The following ABCC4 variants were observed in gnomAD, a reference collection of about 807,000 sequenced individuals.
ABCC4 encodes ATP-binding cassette sub-family C member 4.
A neutral mutation model predicts 168.5 loss-of-function variants in ABCC4; 102 were observed. The observed-to-expected ratio is 0.61, with a 90% CI of 0.52 to 0.71. The LOEUF (loss-of-function observed/expected upper bound fraction) is 0.71. Among genes scored for constraint, ABCC4 ranks in the 30% least tolerant of loss-of-function variants. The probability of loss-of-function intolerance (pLI) is 0.00; values close to 1 mark genes in which losing one functional copy is unlikely to be tolerated. For synonymous variants in ABCC4, 617 were observed against 590.7 expected, an observed-to-expected ratio of 1.04 and a Z score of -0.65; for missense variants, 1,402 against 1,605.8, an observed-to-expected ratio of 0.87 and a Z score of 2.17.
At chr13:95,247,139 A>T in intron 2 of ABCC4, 44 bp from the exon 3 acceptor site, 3 of 1,584,434 alleles carry the variant, frequency 1.9e-6, no homozygotes, top group Non-Finnish European at 2.6e-6. Flanking sequence ...GAACCCTGCC[A>T]CAATATAAAA....
At chr13:95,290,408 G>A (rs2041367881) in intron 1 of ABCC4, among the ~76,000 whole-genome samples, 1 of 152,054 alleles carries the variant, frequency 6.6e-6, no homozygotes, top group African/African-American at 2.4e-5. Flanking sequence ...GCCAGCTTGT[G>A]TTAAGAGGAA....
rs748197778 is a variant in ABCC4, at chr13:95,301,306, G to A, written c.9C>T (p.Pro3=). 6.3e-7 allele frequency: 1 copy of A among 1,593,282 alleles called. No individual in the cohort carries two copies. Among genetic ancestry groups the A allele is most frequent in the Middle Eastern group, 1.7e-4 (1 of 5,976 alleles). Residue 3 remains proline, a synonymous_variant, in exon 1 of 31, where the codon CCC becomes CCT. Transcript: ENST00000645237. ...GGTTGGGCTTCACCTCCTGGTACAC[G>A]GGCAGCATCTTGCCGGGCGGGGCGG... ML[P]VYQEVKPNPL... is the part of the protein sequence containing the mutation.
At chr13:95,023,275 G>T (rs1255750477) in intron 30 of ABCC4, among the ~76,000 whole-genome samples, 1 of 152,142 alleles carries the variant, frequency 6.6e-6, no homozygotes, top group East Asian at 1.9e-4. Context: ...AATGGTCTTA[G>T]CTTCATGGTC....
At chr13:95,022,246 G>A (rs1468848655) in intron 30 of ABCC4, among the ~76,000 whole-genome samples, 2 of 152,134 alleles carry the variant, frequency 1.3e-5, no homozygotes, top group Non-Finnish European at 2.9e-5. Context: ...CCACAATAAT[G>A]AAAAGAGAAG....
chr13:95,167,953 G>A (rs1051406361), intron 14 of ABCC4, among the ~76,000 whole-genome samples: 5 of 152,068 alleles, frequency 3.3e-5, no homozygotes, highest in African/African-American at 1.2e-4. Context: ...TGCAACCTTC[G>A]CCTCCCAGGT....
In ABCC4 at chr13:95,034,599, G is replaced by A. The variant is rs375925660; in HGVS notation, c.3870+6C>T. ...CTTTAATTACAACTCCTTGGAGCAC[G>A]CTCACCTGTTTTGCTGTTTCAGTGA... On this transcript the variant is annotated splice_donor_region_variant and intron_variant, in intron 30 of 30. Transcript: ENST00000645237. 57 of 1,611,406 alleles carry A rather than the reference G, an allele frequency of 3.5e-5. No individual in the cohort carries two copies. The highest frequency in any genetic ancestry group is 5.1e-5 in the Admixed American group (3 of 58,936).
intron 1 of ABCC4, among the ~76,000 whole-genome samples, chr13:95,258,493 A>G (rs2040447918): frequency 6.6e-6 from 1 of 152,150 alleles, no homozygotes; most frequent in African/African-American, 2.4e-5. Context: ...CTCATTGTCG[A>G]TCATTTATAT....
chr13:95,255,903 T>G (rs777557302), intron 1 of ABCC4, among the ~76,000 whole-genome samples: 1 of 152,140 alleles, frequency 6.6e-6, no homozygotes, highest in African/African-American at 2.4e-5. Flanking sequence ...AGCTAATCCA[T>G]GCCTTTCACT....
At position 95,244,670 on chromosome 13, in the gene ABCC4, A is replaced by ATC. The variant is rs1555336348; in HGVS notation, c.306+2304_306+2305insGA. Among the ~76,000 whole-genome samples the ATC allele has an allele frequency of 7.0e-4, 75 of 106,460 alleles. 6 individuals are homozygous for ATC. Among genetic ancestry groups the ATC allele is most frequent in the East Asian group, 4.8e-3 (19 of 3,966 alleles). The allele number at this position is 106,460 out of a possible 152,430, so 69.8% of individuals were successfully genotyped here. A position where few individuals can be genotyped will look rare whatever the true frequency, so the allele number is the denominator to read the frequency against. The stretch of plus-strand genomic sequence containing the variant: ...GAAAGAAAGAAAGAAAGAAAGAAAG[A>ATC]AATCATAGCAGTTCCTGGTACATAG... On this transcript the variant is annotated intron_variant, in intron 3 of 30. Coordinates refer to ENST00000645237, the MANE Select transcript of ABCC4 (RefSeq NM_005845.5).
chr13:95,228,204 G>A (rs753828506), intron 4 of ABCC4, among the ~76,000 whole-genome samples: 13 of 152,116 alleles, frequency 8.5e-5, no homozygotes, highest in Non-Finnish European at 1.6e-4. Flanking sequence ...AGAGGGAGAC[G>A]GGGTGGGAAG....
intron 19 of ABCC4, among the ~76,000 whole-genome samples, chr13:95,140,099 C>T (rs1243904407): frequency 3.3e-5 from 5 of 152,210 alleles, no homozygotes; most frequent in Admixed American, 3.3e-4. Flanking sequence ...TTCAGTTCTG[C>T]TTCTTCCAAA....
At chr13:95,254,523 ATCCTGC>A (rs2040347393) in intron 1 of ABCC4, among the ~76,000 whole-genome samples, 1 of 152,166 alleles carries the variant, frequency 6.6e-6, no homozygotes, top group Admixed American at 6.5e-5. Flanking sequence ...CCACAAAAAA[ATCCTGC>A]TCCTCCCAGG....
chr13:95,209,206 C>A (rs760286421), intron 6 of ABCC4, among the ~76,000 whole-genome samples: 1 of 152,182 alleles, frequency 6.6e-6, no homozygotes, highest in East Asian at 1.9e-4. Context: ...GAGGCCACAG[C>A]GCCTGAAAAG....
At chr13:95,204,429 G>A (rs1566524052) in intron 8 of ABCC4, among the ~76,000 whole-genome samples, 2 of 148,718 alleles carry the variant, frequency 1.3e-5, no homozygotes, top group Admixed American at 6.6e-5. Context: ...GGAGGTAATC[G>A]GATCATGGGG....
At chr13:95,133,359 C>T (rs1255682155) in intron 19 of ABCC4, among the ~76,000 whole-genome samples, 1 of 152,110 alleles carries the variant, frequency 6.6e-6, no homozygotes, top group East Asian at 1.9e-4. Flanking sequence ...ATTGATCTGC[C>T]TGCCCTGACC....
At chr13:95,110,308 CAAAAAAAA>C (rs61438342) in intron 20 of ABCC4, among the ~76,000 whole-genome samples, 1 of 104,602 alleles carries the variant, frequency 9.6e-6, no homozygotes, top group South Asian at 3.1e-4. Flanking sequence ...GACTCTGTCT[CAAAAAAAA>C]AAAAAAAAAA....
At chr13:95,129,873 G>A (rs1442190159) in intron 19 of ABCC4, among the ~76,000 whole-genome samples, 1 of 152,052 alleles carries the variant, frequency 6.6e-6, no homozygotes, top group Non-Finnish European at 1.5e-5. Flanking sequence ...TCAGGAGTTG[G>A]AGACCAGCCT....
intron 25 of ABCC4, among the ~76,000 whole-genome samples, chr13:95,068,731 A>C (rs1171614027): frequency 6.6e-6 from 1 of 152,110 alleles, no homozygotes; most frequent in South Asian, 2.1e-4. Context: ...AACGATATCA[A>C]TGTGGGGATA....
At chr13:95,167,687 C>T (rs1405126642) in intron 14 of ABCC4, among the ~76,000 whole-genome samples, 2 of 152,144 alleles carry the variant, frequency 1.3e-5, no homozygotes, top group Admixed American at 6.6e-5. Context: ...ATCTGTAAGA[C>T]ACACAAGGAA....
Sources: allele counts gnomAD v4.1 joint callset (sites outside exome capture counted in the v4.1 genomes callset), GRCh38; gene constraint gnomAD v4.1.1; transcripts MANE v1.5; gene names NCBI Gene and HGNC (gene_info 2026-07-23, HGNC 2026-07-21).